Variants in ST7L observed in about 807,000 individuals in gnomAD.
The protein encoded by ST7L is suppression of tumorigenicity 7 like.
A neutral mutation model predicts 72.5 loss-of-function variants in ST7L; 57 were observed. The ratio of observed to expected loss-of-function variants is 0.79; its 90% CI spans 0.64 to 0.98. The LOEUF (loss-of-function observed/expected upper bound fraction) is 0.98, where lower values mean the gene tolerates loss of function less well. Ranked by LOEUF, ST7L falls within the 50% of genes least tolerant of loss-of-function variation. ST7L has a pLI of 0.00. For missense variants in ST7L, 576 were observed against 672.2 expected, an observed-to-expected ratio of 0.86 and a Z score of 1.58; for synonymous variants, 221 against 240.9, an observed-to-expected ratio of 0.92 and a Z score of 0.77.
chr1:112,530,678 G>C (rs909693091), intron 14 of ST7L, among the ~76,000 whole-genome samples: 8 of 152,182 alleles, frequency 5.3e-5, no homozygotes, highest in Admixed American at 2.0e-4. Flanking sequence ...GCCTCCCAAA[G>C]TGTTGGGATT....
At chr1:112,570,198 C>A (rs1011713717) in intron 11 of ST7L, among the ~76,000 whole-genome samples, 14 of 151,968 alleles carry the variant, frequency 9.2e-5, no homozygotes, top group African/African-American at 3.4e-4. Flanking sequence ...AAGAATAAGT[C>A]AAAAACCATG....
upstream of ST7L, chr1:112,619,404 A>AC: frequency 2.0e-6 from 1 of 505,042 alleles, no homozygotes; most frequent in East Asian, 3.1e-5. Flanking sequence ...CACCTTTCAC[A>AC]CCGCCCCCCC....
At chr1:112,526,828 C>A (rs1653506308) in intron 14 of ST7L, 1 of 151,958 alleles carries the variant, frequency 6.6e-6, no homozygotes. Flanking sequence ...GTTAGGAAAG[C>A]AAGATGAGGG....
chr1:112,518,651 A>T (rs949595095), downstream of ST7L, among the ~76,000 whole-genome samples: 7 of 152,204 alleles, frequency 4.6e-5, no homozygotes, highest in African/African-American at 7.2e-5. Context: ...TCTGAGGTGT[A>T]AACCTATACT....
At chr1:112,605,548 G>A (rs924144719) in intron 3 of ST7L, among the ~76,000 whole-genome samples, 1 of 150,994 alleles carries the variant, frequency 6.6e-6, no homozygotes, top group Admixed American at 6.6e-5. Context: ...AAATTAGCCA[G>A]GCGTGGTGGC....
rs532118294 is a variant in ST7L at position 112,608,988 on chromosome 1, C to G, written c.451+1853G>C. 3.9e-5 allele frequency among the ~76,000 whole-genome samples: 6 copies of G among 152,192 alleles called. No homozygotes were observed. The South Asian group carries it at 1.0e-3, about 26-fold the overall frequency. ...TGGAATTAACTCATTTGTATTATTA[C>G]TATATGGTTATTACCTATCCCAGTG... On this transcript the variant is annotated intron_variant, in intron 3 of 14. Coordinates refer to ENST00000358039, the MANE Select transcript of ST7L (RefSeq NM_017744.5).
chr1:112,598,902 A>C (rs1309482598), intron 4 of ST7L, among the ~76,000 whole-genome samples: 4 of 150,426 alleles, frequency 2.7e-5, no homozygotes, highest in African/African-American at 9.7e-5. Flanking sequence ...TCTCCTAAAA[A>C]TACAAAAATT....
intron 14 of ST7L, among the ~76,000 whole-genome samples, chr1:112,537,462 T>G (rs6537740): frequency 0.2 from 30,144 of 152,178 alleles, 3,362 homozygotes; most frequent in Non-Finnish European, 0.26. Context: ...AGAAGAACAC[T>G]TTTCTTGCAA....
intron 14 of ST7L, chr1:112,528,683 G>A (rs1653860182): frequency 6.6e-6 from 1 of 152,172 alleles, no homozygotes; most frequent in Non-Finnish European, 1.5e-5. Context: ...AAATTAGAAT[G>A]TGAAAAGAAA....
intron 11 of ST7L, among the ~76,000 whole-genome samples, chr1:112,564,817 C>CAA (rs780771291): frequency 5.9e-3 from 248 of 41,770 alleles, no homozygotes; most frequent in Non-Finnish European, 0.011. Context: ...AACTGCATCT[C>CAA]AAAAAAAAAA....
chr1:112,581,989 C>T lies in ST7L; in HGVS notation c.1069+3G>A, dbSNP rs374073715. On this transcript the variant is annotated splice_donor_region_variant and intron_variant, in intron 9 of 14. Coordinates refer to ENST00000358039, the MANE Select transcript of ST7L (RefSeq NM_017744.5). Reference sequence around the variant, plus strand: ...TGCTATCAACTAAGGGAATATGACTCACCATCATATTTTGCTAGGACTGCC... The same window carrying T: ...TGCTATCAACTAAGGGAATATGACTTACCATCATATTTTGCTAGGACTGCC... 29 of 1,527,206 alleles carry T rather than the reference C, an allele frequency of 1.9e-5. No homozygotes were observed. The highest frequency in any genetic ancestry group is 2.5e-5 in the Non-Finnish European group (27 of 1,101,410). The allele number at this position is 1,527,206 out of a possible 1,614,324, so 94.6% of individuals were successfully genotyped here.
rs566103634 is a variant in ST7L at position 112,584,634 on chromosome 1, T to C, written c.702-508A>G. Among the ~76,000 whole-genome samples the C allele has an allele frequency of 2.0e-5, 3 of 152,112 alleles. No individual in the cohort carries two copies. The South Asian group carries it at 6.2e-4, about 32-fold the overall frequency. ...TCCCGAGTAGCTGGGATTACAGGCA[T>C]GCAGCACCACGCCCGGCTAATTTTT... On this transcript the variant is annotated intron_variant, in intron 6 of 14. Transcript: ENST00000358039.
intron 3 of ST7L, among the ~76,000 whole-genome samples, chr1:112,603,025 A>AT (rs1356337392): frequency 1.3e-5 from 2 of 151,980 alleles, no homozygotes; most frequent in Non-Finnish European, 2.9e-5. Flanking sequence ...CCTGGCAGAT[A>AT]TTTTCTTAAA....
At chr1:112,593,273 G>A (rs1665960975) in intron 5 of ST7L, among the ~76,000 whole-genome samples, 1 of 151,780 alleles carries the variant, frequency 6.6e-6, no homozygotes, top group Non-Finnish European at 1.5e-5. Flanking sequence ...AGTTGATGGG[G>A]GAAAAATGTA....
chr1:112,537,808 A>G (rs911987654), intron 14 of ST7L, among the ~76,000 whole-genome samples: 2 of 152,212 alleles, frequency 1.3e-5, no homozygotes, highest in Non-Finnish European at 2.9e-5. Context: ...CTCAGCCAGG[A>G]GAAAAATCAG....
chr1:112,579,284 T>G (rs575278849), intron 9 of ST7L, among the ~76,000 whole-genome samples: 1 of 150,014 alleles, frequency 6.7e-6, no homozygotes, highest in South Asian at 2.1e-4. Context: ...CTCAGGAGGC[T>G]GAGGCAGGAG....
At chr1:112,600,163 C>A (rs1007524464) in intron 4 of ST7L, among the ~76,000 whole-genome samples, 3 of 152,126 alleles carry the variant, frequency 2.0e-5, no homozygotes, top group African/African-American at 7.2e-5. Context: ...GCCTCAGCCT[C>A]CCAAGTAGCT....
chr1:112,564,745 A>G (rs1273313075), intron 11 of ST7L, among the ~76,000 whole-genome samples: 1 of 142,236 alleles, frequency 7.0e-6, no homozygotes, highest in Non-Finnish European at 1.5e-5. Context: ...TGAACCCAGG[A>G]GGCGGAGGTT....
chr1:112,611,457 A>C (rs1327786362), intron 2 of ST7L, among the ~76,000 whole-genome samples: 1 of 152,184 alleles, frequency 6.6e-6, no homozygotes, highest in Non-Finnish European at 1.5e-5. Flanking sequence ...TAATCTCTTA[A>C]TATCTCAGAG....
Sources: allele counts gnomAD v4.1 joint callset (sites outside exome capture counted in the v4.1 genomes callset), GRCh38; gene constraint gnomAD v4.1.1; transcripts MANE v1.5; gene names NCBI Gene and HGNC (gene_info 2026-07-23, HGNC 2026-07-21).